Variants in RNGTT observed in about 807,000 individuals in gnomAD.
RNGTT encodes the protein RNA guanylyltransferase and 5'-phosphatase.
In RNGTT, 33 loss-of-function variants were observed where a neutral mutation model predicts 79.3. The observed-to-expected ratio is 0.42, with a 90% CI of 0.32 to 0.56. The LOEUF is 0.56. Among genes scored for constraint, RNGTT ranks in the 20% least tolerant of loss-of-function variants. The probability of loss-of-function intolerance (pLI) is 0.17; values close to 1 mark genes in which losing one functional copy is unlikely to be tolerated. For missense variants in RNGTT, 497 were observed against 739.1 expected (o/e 0.67, Z 3.80); for synonymous variants, 222 against 235.9 (o/e 0.94, Z 0.54).
intron 11 of RNGTT, among the ~76,000 whole-genome samples, chr6:88,825,309 G>C (rs1438850188): frequency 2.6e-5 from 4 of 152,194 alleles, no homozygotes; most frequent in African/African-American, 9.7e-5. Context: ...AACAGGCATT[G>C]GGGTTCACCT....
intron 2 of RNGTT, among the ~76,000 whole-genome samples, chr6:88,934,617 G>A (rs1015912970): frequency 1.3e-5 from 2 of 152,034 alleles, no homozygotes; most frequent in Non-Finnish European, 2.9e-5. Flanking sequence ...ATTTCACTCT[G>A]TTGTTTCCTT....
intron 13 of RNGTT, among the ~76,000 whole-genome samples, chr6:88,693,443 A>C (rs933063282): frequency 2.0e-5 from 3 of 152,136 alleles, no homozygotes; most frequent in African/African-American, 7.2e-5. Context: ...GAACAAACCA[A>C]TTACAAGTAA....
intron 4 of RNGTT, among the ~76,000 whole-genome samples, chr6:88,927,277 C>T (rs1784350624): frequency 6.6e-6 from 1 of 151,924 alleles, no homozygotes; most frequent in Non-Finnish European, 1.5e-5. Flanking sequence ...AATCCCAGCA[C>T]TTTGGGAGGC....
intron 4 of RNGTT, among the ~76,000 whole-genome samples, chr6:88,916,666 A>T (rs1350465005): frequency 6.6e-6 from 1 of 152,260 alleles, no homozygotes; most frequent in African/African-American, 2.4e-5. Context: ...ACTTTATCAA[A>T]AACCCAGGTT....
At chr6:88,769,195 G>A (rs1184722428) in intron 13 of RNGTT, among the ~76,000 whole-genome samples, 1 of 151,992 alleles carries the variant, frequency 6.6e-6, no homozygotes, top group Admixed American at 6.6e-5. Context: ...GTCTCACTCT[G>A]TCACCCAGGC....
intron 4 of RNGTT, among the ~76,000 whole-genome samples, chr6:88,927,521 G>A (rs1034661674): frequency 4.6e-5 from 7 of 152,134 alleles, no homozygotes; most frequent in African/African-American, 1.7e-4. Context: ...AATTAGCCGG[G>A]CATGGTGGCA....
At chr6:88,829,314 C>G in intron 11 of RNGTT, among the ~76,000 whole-genome samples, 1 of 152,120 alleles carries the variant, frequency 6.6e-6, no homozygotes, top group Non-Finnish European at 1.5e-5. Context: ...CCTTTACAGA[C>G]AAGCAAATGC....
chr6:88,920,620 A>C (rs2127950011), intron 4 of RNGTT, among the ~76,000 whole-genome samples: 1 of 152,320 alleles, frequency 6.6e-6, no homozygotes, highest in South Asian at 2.1e-4. Flanking sequence ...AACAACTCAC[A>C]GAAGTGTTTT....
rs1338557389 is a variant in RNGTT, at chr6:88,904,831, G to A, written c.568C>T (p.Pro190Ser). The A allele has an allele frequency of 6.2e-7, 1 of 1,613,692 alleles. No homozygotes were observed. The highest frequency in any genetic ancestry group is 8.5e-7 in the Non-Finnish European group (1 of 1,180,000). Reference protein sequence around the residue: ...IEEAPPPPLLPDWCFEDDEDE... With the variant: ...IEEAPPPPLLSDWCFEDDEDE... Reference sequence around the variant, plus strand: ...TCATCATCCTCAAAACACCAATCTGGCAATAGAGGTGGGGGTGGTGCTTCC... The same window carrying A: ...TCATCATCCTCAAAACACCAATCTGACAATAGAGGTGGGGGTGGTGCTTCC... The change falls in exon 6 of 16, where the codon CCA becomes TCA. Residue 190 changes from proline to serine, a missense_variant. Around this residue, in one of 3 missense-constraint regions of RNGTT, gnomAD observed 440 missense variants for 671.5 expected, o/e 0.66. Transcript: ENST00000369485.
chr6:88,713,194 C>T (rs1776377927), intron 13 of RNGTT, among the ~76,000 whole-genome samples: 1 of 152,024 alleles, frequency 6.6e-6, no homozygotes, highest in African/African-American at 2.4e-5. Context: ...GGATTAATGC[C>T]TTTATATGAG....
At chr6:88,901,300 A>C (rs1267196412) in intron 6 of RNGTT, among the ~76,000 whole-genome samples, 1 of 152,072 alleles carries the variant, frequency 6.6e-6, no homozygotes, top group African/African-American at 2.4e-5. Context: ...ATATTTAAGA[A>C]TTCCTACATA....
At chr6:88,689,297 T>C (rs1343926530) in intron 13 of RNGTT, among the ~76,000 whole-genome samples, 2 of 150,946 alleles carry the variant, frequency 1.3e-5, no homozygotes, top group Admixed American at 6.6e-5. Flanking sequence ...AACAAGTACA[T>C]TTTTTAAAAA....
chr6:88,619,975 C>T (rs1189135743), intron 14 of RNGTT, among the ~76,000 whole-genome samples: 1 of 152,134 alleles, frequency 6.6e-6, no homozygotes, highest in Non-Finnish European at 1.5e-5. Context: ...ATAGCAGGGC[C>T]ATGACGTATT....
intron 13 of RNGTT, among the ~76,000 whole-genome samples, chr6:88,737,909 A>G (rs1052688822): frequency 6.6e-6 from 1 of 152,222 alleles, no homozygotes; most frequent in African/African-American, 2.4e-5. Flanking sequence ...AACAATGTAT[A>G]AAAAGAATTG....
chr6:88,859,450 T>G (rs1280166270), intron 8 of RNGTT, among the ~76,000 whole-genome samples: 2 of 152,118 alleles, frequency 1.3e-5, no homozygotes, highest in Non-Finnish European at 2.9e-5. Flanking sequence ...AGCTAGGAGC[T>G]TGGAAGAAAA....
intron 13 of RNGTT, among the ~76,000 whole-genome samples, chr6:88,742,369 T>C (rs183524927): frequency 6.6e-6 from 1 of 152,374 alleles, no homozygotes; most frequent in East Asian, 1.9e-4. Flanking sequence ...CTTTTAAGAA[T>C]GTTTTTAAAA....
At chr6:88,881,521 A>G (rs1347683331) in intron 8 of RNGTT, among the ~76,000 whole-genome samples, 1 of 152,184 alleles carries the variant, frequency 6.6e-6, no homozygotes, top group Non-Finnish European at 1.5e-5. Flanking sequence ...AAGTCCCACT[A>G]TCTGATAGGA....
At chr6:88,888,733 A>C (rs1304787192) in intron 8 of RNGTT, among the ~76,000 whole-genome samples, 1 of 152,242 alleles carries the variant, frequency 6.6e-6, no homozygotes, top group Non-Finnish European at 1.5e-5. Flanking sequence ...CAAAGCATTA[A>C]TAATAAAAAC....
At chr6:88,746,827 A>G (rs1255432426) in intron 13 of RNGTT, among the ~76,000 whole-genome samples, 1 of 152,212 alleles carries the variant, frequency 6.6e-6, no homozygotes, top group Non-Finnish European at 1.5e-5. Context: ...CAGACCTTTC[A>G]GAAATACTCT....
Sources: gnomAD v4.1 joint callset for allele counts (sites outside exome capture counted in the v4.1 genomes callset) on GRCh38, gnomAD v4.1.1 for gene constraint, gnomAD v4.1.1 regional missense constraint, MANE v1.5 for transcripts, NCBI Gene and HGNC (gene_info 2026-07-23, HGNC 2026-07-21) for gene names.